Variants in IKBKE observed in about 807,000 individuals in gnomAD.
IKBKE encodes the protein inhibitor of nuclear factor kappa-B kinase subunit epsilon.
IKBKE carries 45 observed loss-of-function variants against 92.1 expected under a neutral mutation model. The observed-to-expected ratio is 0.49, with a 90% CI of 0.38 to 0.63. The LOEUF (loss-of-function observed/expected upper bound fraction) is 0.63, where lower values mean the gene tolerates loss of function less well. Among genes scored for constraint, IKBKE ranks in the 20% least tolerant of loss-of-function variants. The probability of loss-of-function intolerance (pLI) is 0.00; values close to 1 mark genes in which losing one functional copy is unlikely to be tolerated. For synonymous variants in IKBKE, 374 were observed against 380.3 expected (o/e 0.98, Z 0.19); for missense variants, 700 against 932.8 (o/e 0.75, Z 3.25).
In IKBKE at chr1:206,480,337, A is replaced by G. The variant is rs1402747256; in HGVS notation, c.1341-110A>G. 57 of 908,356 alleles carry G rather than the reference A, an allele frequency of 6.3e-5. No homozygotes were observed. In the Admixed American group the frequency reaches 6.5e-4, roughly 10 times the overall value. 56.3% of individuals were successfully genotyped at this position (908,356 alleles called of 1,614,324 possible). On this transcript the variant is annotated intron_variant, in intron 12 of 21. Coordinates refer to ENST00000581977, the MANE Select transcript of IKBKE (RefSeq NM_014002.4). ...GGCAGGCCGGAGGGGGAGGCAGGCCAGAGGGGGAGGCCGGCAGGAGGTGGA... is the reference window on the plus strand; with the variant it reads ...GGCAGGCCGGAGGGGGAGGCAGGCCGGAGGGGGAGGCCGGCAGGAGGTGGA...
rs782051305 is a variant in IKBKE, at chr1:206,479,929, GC to G, written c.1245del (p.Lys416ArgfsTer23). Reference protein sequence around the residue: ...KVDLQADYNTAKGVLGAGYQA... With the variant: ...KVDLQADYNTXKGVLGAGYQA... ...GGACCTGCAGGCGGATTACAACACT[GC>G]CAAGGTGAGGGGCAACCCCCAGGTG... is the stretch of plus-strand genomic sequence containing the variant. On this transcript the variant is annotated frameshift_variant, in exon 11 of 22. Coordinates refer to ENST00000581977, the MANE Select transcript of IKBKE (RefSeq NM_014002.4). LOFTEE classifies it high-confidence loss of function. 1.9e-6 allele frequency: 3 copies of G among 1,613,738 alleles called. No homozygotes were observed. Among genetic ancestry groups the G allele is most frequent in the Non-Finnish European group, 2.5e-6 (3 of 1,179,974 alleles).
chr1:206,479,768 G>C (rs1489521382), intron 10 of IKBKE, 102 bp from the exon 11 acceptor site: 2 of 1,223,536 alleles, frequency 1.6e-6, no homozygotes, highest in Non-Finnish European at 1.2e-6. Flanking sequence ...AGCCTGAGGT[G>C]GGAGATTGGC....
rs570431017 is a variant in IKBKE, at chr1:206,475,280, G to A, written c.358+286G>A. 1.5e-5 allele frequency: 7 copies of A among 474,970 alleles called. No individual in the cohort carries two copies. In the East Asian group the frequency reaches 2.0e-4, roughly 13 times the overall value. 29.4% of individuals were successfully genotyped at this position (474,970 alleles called of 1,614,324 possible). A position where few individuals can be genotyped will look rare whatever the true frequency, so the allele number is the denominator to read the frequency against. The stretch of plus-strand genomic sequence containing the variant: ...TTCTGACACCTGCTACAACATGGAT[G>A]GACCTTGATGACATTATGTTAAGTG... On this transcript the variant is annotated intron_variant, in intron 5 of 21. Coordinates refer to ENST00000581977, the MANE Select transcript of IKBKE (RefSeq NM_014002.4).
At position 206,485,366 on chromosome 1, in the gene IKBKE, C is replaced by T. The variant is rs1280916043; in HGVS notation, c.1616+60C>T. 9.9e-7 allele frequency: 1 copy of T among 1,005,680 alleles called. No individual in the cohort carries two copies. Among genetic ancestry groups the T allele is most frequent in the Non-Finnish European group, 1.6e-6 (1 of 632,414 alleles). The allele number at this position is 1,005,680 out of a possible 1,614,324, so 62.3% of individuals were successfully genotyped here. A position where few individuals can be genotyped will look rare whatever the true frequency, so the allele number is the denominator to read the frequency against. On this transcript the variant is annotated intron_variant, in intron 15 of 21. Coordinates refer to ENST00000581977, the MANE Select transcript of IKBKE (RefSeq NM_014002.4). The surrounding 1 kb of genome is among the most constrained non-coding windows in gnomAD (Gnocchi z 5.0). ...TGGGGGAGTGGGCAGCTCCAAAGGT[C>T]CAGTAACCTTTAGCCTTTTAGACGT... is the stretch of plus-strand genomic sequence containing the variant.
At chr1:206,483,254 G>C (rs1454713457) in intron 13 of IKBKE, among the ~76,000 whole-genome samples, 4 of 152,232 alleles carry the variant, frequency 2.6e-5, no homozygotes, top group Non-Finnish European at 5.9e-5. Context: ...CTGAGGCCTG[G>C]AGAGCTAAAG....
chr1:206,489,369 G>GTATATA (rs368827445), intron 16 of IKBKE, among the ~76,000 whole-genome samples: 13 of 119,210 alleles, frequency 1.1e-4, no homozygotes, highest in African/African-American at 3.8e-4. Flanking sequence ...GTGTGTGTGT[G>GTATATA]TATATATATA....
rs1553391424 is a variant in IKBKE at position 206,493,898 on chromosome 1, C to T, written c.2046-22C>T. ...GGGCAACTTCCAGCCTCAGCCGCCT[C>T]TCCTGCCTCTGCCTTGGGCAGCATG... On this transcript the variant is annotated intron_variant, in intron 20 of 21. Transcript: ENST00000581977. The T allele has an allele frequency of 3.1e-6, 5 of 1,612,328 alleles. No individual in the cohort carries two copies. The South Asian group carries it at 5.5e-5, about 18-fold the overall frequency.
intron 21 of IKBKE, among the ~76,000 whole-genome samples, chr1:206,494,766 G>A (rs1030131913): frequency 4.0e-5 from 6 of 151,344 alleles, no homozygotes; most frequent in Non-Finnish European, 7.4e-5. Context: ...ACCACACGCA[G>A]TTAATTTTTA....
intron 21 of IKBKE, 50 bp downstream of exon 21, chr1:206,494,041 C>T (rs782115575): frequency 1.3e-6 from 2 of 1,530,406 alleles, no homozygotes; most frequent in Non-Finnish European, 9.0e-7. Context: ...TCAAGCTACC[C>T]TTGCCTGGGG....
At chr1:206,475,087 C>A in intron 5 of IKBKE, 93 bp downstream of exon 5, 1 of 1,323,374 alleles carries the variant, frequency 7.6e-7, no homozygotes, top group Non-Finnish European at 1.0e-6. Context: ...TCCTGCTAAT[C>A]ATTCCATTTA....
rs1665612152 is a variant in IKBKE, at chr1:206,485,594, T to C, written c.1616+288T>C. Among the ~76,000 whole-genome samples the C allele has an allele frequency of 6.6e-6, 1 of 152,204 alleles. No homozygotes were observed. Among genetic ancestry groups the C allele is most frequent in the Non-Finnish European group, 1.5e-5 (1 of 68,028 alleles). Reference sequence around the variant, plus strand: ...TATAATTCTGAATAAAAGAAGACTTTAGTTCCCTTTCTCTGTGTCAGGCCC... The same window carrying C: ...TATAATTCTGAATAAAAGAAGACTTCAGTTCCCTTTCTCTGTGTCAGGCCC... On this transcript the variant is annotated intron_variant, in intron 15 of 21. Transcript: ENST00000581977. This position sits in a 1 kb window ranked among gnomAD's most constrained non-coding sequence, Gnocchi z 5.0.
intron 18 of IKBKE, 31 bp downstream of exon 18, chr1:206,491,780 A>AGGAG: frequency 6.5e-7 from 1 of 1,547,848 alleles, no homozygotes; most frequent in Non-Finnish European, 8.9e-7. Flanking sequence ...CCTGGAGCCC[A>AGGAG]GGGCCTGGCC....
intron 13 of IKBKE, among the ~76,000 whole-genome samples, chr1:206,481,712 G>C (rs1553387068): frequency 1.3e-5 from 2 of 148,202 alleles, no homozygotes; most frequent in South Asian, 2.2e-4. Flanking sequence ...TGTTGGGTAA[G>C]AGGAGACCTG....
intron 16 of IKBKE, among the ~76,000 whole-genome samples, chr1:206,489,565 G>A (rs940570840): frequency 1.3e-5 from 2 of 151,888 alleles, no homozygotes; most frequent in Admixed American, 6.6e-5. Flanking sequence ...CTAGCTGGAC[G>A]TGGGCATGCG....
At chr1:206,481,803 G>GGAGCCTCGCTCTGTC (rs1665410234) in intron 13 of IKBKE, among the ~76,000 whole-genome samples, 1 of 115,742 alleles carries the variant, frequency 8.6e-6, no homozygotes, top group Non-Finnish European at 1.7e-5. Flanking sequence ...TTTTTGAGAC[G>GGAGCCTCGCTCTGTC]GAGCCTCGCT....
chr1:206,477,990 C>T, intron 8 of IKBKE, 131 bp downstream of exon 8: 2 of 863,174 alleles, frequency 2.3e-6, no homozygotes, highest in Non-Finnish European at 1.8e-6. Context: ...CACCACTTTC[C>T]CATCTGGTTG....
chr1:206,487,336 A>ATC lies in IKBKE; in HGVS notation c.1617-575_1617-574dup, dbSNP rs781798765. 6.6e-6 allele frequency among the ~76,000 whole-genome samples: 1 copy of ATC among 152,244 alleles called. No individual in the cohort carries two copies. Among genetic ancestry groups the ATC allele is most frequent in the South Asian group, 2.1e-4 (1 of 4,836 alleles). ...AGAACAAGAAAGTCCTCGGGAGATC[A>ATC]TCTCCCCAGTTCCTCCGCCTCCGGG... On this transcript the variant is annotated intron_variant, in intron 15 of 21. Coordinates refer to ENST00000581977, the MANE Select transcript of IKBKE (RefSeq NM_014002.4). This position sits in a 1 kb window ranked among gnomAD's most constrained non-coding sequence, Gnocchi z 5.3.
At position 206,476,332 on chromosome 1, in the gene IKBKE, C is replaced by T. The variant is rs1553385330; in HGVS notation, c.510C>T (p.Phe170=). 1.9e-6 allele frequency: 3 copies of T among 1,613,484 alleles called. No homozygotes were observed. The highest frequency in any genetic ancestry group is 1.1e-5 in the South Asian group (1 of 91,016). Residue 170 remains phenylalanine, a synonymous_variant, in exon 6 of 22, where the codon TTC becomes TTT. Coordinates refer to ENST00000581977, the MANE Select transcript of IKBKE (RefSeq NM_014002.4). The surrounding 1 kb of genome is among the most constrained non-coding windows in gnomAD (Gnocchi z 5.1). ...GGGAGCTGGATGATGATGAGAAGTT[C>T]GTCTCGGTCTATGGGACTGAGGAGT... ...AARELDDDEK[F]VSVYGTEEYL...
In IKBKE at chr1:206,476,558, T is replaced by C. The variant is rs966793660; in HGVS notation, c.541-120T>C. ...GTGAGGCTGACACCCATTTTTAAGA[T>C]GACAAAGAAGGATTTGAACAGTTCT... On this transcript the variant is annotated intron_variant, in intron 6 of 21. Transcript: ENST00000581977. This position sits in a 1 kb window ranked among gnomAD's most constrained non-coding sequence, Gnocchi z 5.1. The C allele has an allele frequency of 8.6e-6, 11 of 1,275,282 alleles. No individual in the cohort carries two copies. Among genetic ancestry groups the C allele is most frequent in the African/African-American group, 3.0e-5 (2 of 67,270 alleles). The allele number at this position is 1,275,282 out of a possible 1,614,324, so 79.0% of individuals were successfully genotyped here.
Sources: allele counts gnomAD v4.1 joint callset (sites outside exome capture counted in the v4.1 genomes callset), GRCh38; gene constraint gnomAD v4.1.1; non-coding constraint Gnocchi (gnomAD v3.1); transcripts MANE v1.5; gene names NCBI Gene and HGNC (gene_info 2026-07-23, HGNC 2026-07-21).